ABCB1: variants seen among roughly 807,000 people sequenced by gnomAD.
ABCB1 encodes the protein ATP binding cassette subfamily B member 1.
ABCB1 carries 69 observed loss-of-function variants against 142.0 expected under a neutral mutation model. The observed-to-expected ratio is 0.49, with a 90% CI of 0.40 to 0.59. ABCB1 has a LOEUF of 0.59. Ranked by LOEUF, ABCB1 falls within the 20% of genes least tolerant of loss-of-function variation. ABCB1 has a pLI of 0.00. For missense variants in ABCB1, 1,326 were observed against 1,554.7 expected, an observed-to-expected ratio of 0.85 and a Z score of 2.47; for synonymous variants, 532 against 539.2, an observed-to-expected ratio of 0.99 and a Z score of 0.18.
intron 1 of ABCB1, among the ~76,000 whole-genome samples, chr7:87,695,823 C>T (rs547312099): frequency 3.2e-4 from 48 of 152,094 alleles, no homozygotes; most frequent in African/African-American, 1.1e-3. Context: ...AAATAAGATA[C>T]AAACAAAACA....
intron 1 of ABCB1, among the ~76,000 whole-genome samples, chr7:87,655,497 TATACATGGCATCTAA>T (rs1824005699): frequency 6.6e-6 from 1 of 152,116 alleles, no homozygotes; most frequent in African/African-American, 2.4e-5. Context: ...ATGACTTCCT[TATACATGGCATCTAA>T]AAAAGTTGAA....
chr7:87,589,849 G>GGAGAGA lies in ABCB1; in HGVS notation c.118-4175_118-4170dup, dbSNP rs142847127. 6.1e-3 allele frequency among the ~76,000 whole-genome samples: 659 copies of GGAGAGA among 108,520 alleles called. 3 individuals carry two copies. Among genetic ancestry groups the GGAGAGA allele is most frequent in the African/African-American group, 0.03 (625 of 20,710 alleles). 71.2% of individuals were successfully genotyped at this position (108,520 alleles called of 152,430 possible). On this transcript the variant is annotated intron_variant, in intron 3 of 27. Transcript: ENST00000622132. ...GAGAGAGAGAGAGGGAGAGAGGGAG[G>GGAGAGA]GAGAGAGAGAGAGAGAGAGAGAAAG...
Position 87,525,350 on chromosome 7 carries a change from T to C in ABCB1, c.2686-4474A>G, listed in dbSNP as rs370990885. On this transcript the variant is annotated intron_variant, in intron 21 of 27. Coordinates refer to ENST00000622132, the MANE Select transcript of ABCB1 (RefSeq NM_001348946.2). ...CAAATAAACAAGTTTATGGCTTTTA[T>C]TTCTGAAAAGTAAAAAAGCATCTAC... 2.3e-4 allele frequency among the ~76,000 whole-genome samples: 35 copies of C among 152,286 alleles called. No individual in the cohort carries two copies. In the East Asian group the frequency reaches 3.7e-3, roughly 16 times the overall value.
intron 1 of ABCB1, among the ~76,000 whole-genome samples, chr7:87,637,557 C>G (rs1488693515): frequency 6.6e-6 from 1 of 152,144 alleles, no homozygotes; most frequent in Non-Finnish European, 1.5e-5. Flanking sequence ...TGAACATAAC[C>G]TATTTCTTTA....
intron 8 of ABCB1, among the ~76,000 whole-genome samples, chr7:87,560,644 T>A (rs1443789154): frequency 6.6e-6 from 1 of 152,208 alleles, no homozygotes; most frequent in African/African-American, 2.4e-5. Context: ...TGTTATAGCA[T>A]CAGAATATTA....
chr7:87,624,258 G>A (rs931157627), intron 1 of ABCB1, among the ~76,000 whole-genome samples: 1 of 152,022 alleles, frequency 6.6e-6, no homozygotes, highest in Admixed American at 6.6e-5. Flanking sequence ...CCCATCTGAC[G>A]TCAAAGTAAA....
chr7:87,706,149 C>T (rs1829566642), intron 1 of ABCB1, among the ~76,000 whole-genome samples: 1 of 152,152 alleles, frequency 6.6e-6, no homozygotes, highest in Non-Finnish European at 1.5e-5. Flanking sequence ...ATCAGCCATC[C>T]ACATATCCAT....
Position 87,681,538 on chromosome 7 carries a change from T to C in ABCB1, c.-331+31623A>G, listed in dbSNP as rs1055169458. ...TAATCTATTAAGTGTGTAATAGCATTATGTCTAAAAAATGTACATACCCTA... is the reference window on the plus strand; with the variant it reads ...TAATCTATTAAGTGTGTAATAGCATCATGTCTAAAAAATGTACATACCCTA... On this transcript the variant is annotated intron_variant, in intron 1 of 28. Coordinates refer to the ABCB1 transcript ENST00000265724. 2.8e-4 allele frequency among the ~76,000 whole-genome samples: 42 copies of C among 150,772 alleles called. 3 individuals carry two copies. The highest frequency in any genetic ancestry group is 1.0e-3 in the African/African-American group (42 of 40,656).
intron 1 of ABCB1, among the ~76,000 whole-genome samples, chr7:87,647,585 C>A (rs1325355194): frequency 6.6e-6 from 1 of 152,108 alleles, no homozygotes; most frequent in Admixed American, 6.5e-5. Flanking sequence ...TAAATGCAGG[C>A]AGTTCTTACT....
chr7:87,528,920 G>T (rs143775557), intron 21 of ABCB1, among the ~76,000 whole-genome samples: 204 of 152,224 alleles, frequency 1.3e-3, no homozygotes, highest in African/African-American at 4.6e-3. Context: ...TGCCCACTGG[G>T]CCAGGGCACA....
chr7:87,506,475 TTCTTGGGATATCAG>T (rs1208342515), intron 26 of ABCB1, among the ~76,000 whole-genome samples: 1 of 152,184 alleles, frequency 6.6e-6, no homozygotes, highest in Non-Finnish European at 1.5e-5. Flanking sequence ...AGGAAAGACA[TTCTTGGGATATCAG>T]CCTTTTAGTG....
chr7:87,546,980 G>T (rs1447085822), intron 14 of ABCB1, among the ~76,000 whole-genome samples: 2 of 152,198 alleles, frequency 1.3e-5, no homozygotes, highest in Non-Finnish European at 1.5e-5. Context: ...CATAGTTAGT[G>T]ATACTTATTC....
intron 1 of ABCB1, among the ~76,000 whole-genome samples, chr7:87,676,408 A>T (rs1423541308): frequency 6.6e-6 from 1 of 152,128 alleles, no homozygotes; most frequent in Non-Finnish European, 1.5e-5. Context: ...ACATTAAAAA[A>T]TGGGCAAAGA....
At chr7:87,598,659 ACTTT>A (rs1408413823) in intron 2 of ABCB1, among the ~76,000 whole-genome samples, 1 of 152,130 alleles carries the variant, frequency 6.6e-6, no homozygotes, top group Non-Finnish European at 1.5e-5. Flanking sequence ...TACCTCTCAC[ACTTT>A]CTTTCAGTTT....
At chr7:87,597,986 T>G (rs1044376816) in intron 2 of ABCB1, among the ~76,000 whole-genome samples, 7 of 152,142 alleles carry the variant, frequency 4.6e-5, no homozygotes, top group African/African-American at 7.2e-5. Flanking sequence ...AACATTGACT[T>G]TTGTAAAGGA....
chr7:87,567,088 T>C, intron 5 of ABCB1, 112 bp from the exon 6 acceptor site: 1 of 985,092 alleles, frequency 1.0e-6, no homozygotes, highest in South Asian at 1.4e-5. Flanking sequence ...TCGCCATCCT[T>C]AACAAATAAG....
intron 1 of ABCB1, chr7:87,709,521 C>T (rs1583952459): frequency 1.0e-6 from 1 of 985,308 alleles, no homozygotes; most frequent in Middle Eastern, 5.2e-4. Context: ...GGTAAATTGA[C>T]TCGCATGCTA....
chr7:87,553,521 C>T (rs563467625), intron 9 of ABCB1, among the ~76,000 whole-genome samples: 1 of 152,062 alleles, frequency 6.6e-6, no homozygotes, highest in African/African-American at 2.4e-5. Context: ...GGGGTTTCAC[C>T]ATGTTAGCCA....
chr7:87,673,320 T>C (rs1185491062), intron 1 of ABCB1, among the ~76,000 whole-genome samples: 1 of 152,228 alleles, frequency 6.6e-6, no homozygotes, highest in Non-Finnish European at 1.5e-5. Context: ...GTTTCCCAAT[T>C]TCCTTGCTTT....
Sources: allele counts gnomAD v4.1 joint callset (sites outside exome capture counted in the v4.1 genomes callset), GRCh38; gene constraint gnomAD v4.1.1; transcripts MANE v1.5; gene names NCBI Gene and HGNC (gene_info 2026-07-23, HGNC 2026-07-21).